Variants in SYNJ2 observed in about 807,000 individuals in gnomAD.
The protein encoded by SYNJ2 is polyphosphatidylinositol phosphatase SYNJ2.
In SYNJ2, 116 loss-of-function variants were observed where a neutral mutation model predicts 141.3. That is an observed-to-expected ratio of 0.82 (90% CI 0.71 to 0.96). The LOEUF (loss-of-function observed/expected upper bound fraction) is 0.96, where lower values mean the gene tolerates loss of function less well. Among genes scored for constraint, SYNJ2 ranks in the 40% least tolerant of loss-of-function variants. SYNJ2 has a pLI of 0.00. For missense variants in SYNJ2, 1,873 were observed against 1,934.8 expected, an observed-to-expected ratio of 0.97 and a Z score of 0.60; for synonymous variants, 745 against 777.7, an observed-to-expected ratio of 0.96 and a Z score of 0.70.
chr6:157,983,693 A>G (rs1447942550), intron 1 of SYNJ2, among the ~76,000 whole-genome samples: 1 of 152,240 alleles, frequency 6.6e-6, no homozygotes, highest in African/African-American at 2.4e-5. Context: ...TGAGATTTAC[A>G]TCACGGTGGT....
chr6:158,058,585 G>A (rs1045630329), intron 6 of SYNJ2, among the ~76,000 whole-genome samples: 2 of 152,188 alleles, frequency 1.3e-5, no homozygotes, highest in Non-Finnish European at 2.9e-5. Flanking sequence ...AGAAGGGTGG[G>A]TACCAAGCAA....
At chr6:158,045,835 C>T (rs1007289326) in intron 5 of SYNJ2, among the ~76,000 whole-genome samples, 5 of 152,194 alleles carry the variant, frequency 3.3e-5, no homozygotes, top group African/African-American at 9.6e-5. Context: ...TGTCAGGGGC[C>T]AGGAGCAGTG....
At chr6:158,037,680 T>C (rs2128340963) in intron 4 of SYNJ2, among the ~76,000 whole-genome samples, 1 of 152,222 alleles carries the variant, frequency 6.6e-6, no homozygotes, top group South Asian at 2.1e-4. Flanking sequence ...AGATTACAGG[T>C]GTGAGCCACT....
intron 18 of SYNJ2, chr6:158,078,571 A>G (rs1433507943): frequency 4.2e-6 from 1 of 239,184 alleles, no homozygotes; most frequent in Admixed American, 5.1e-5. Flanking sequence ...TATTTTCTTA[A>G]ATGATGTCGT....
At chr6:158,016,209 G>C (rs1734161112) in intron 1 of SYNJ2, among the ~76,000 whole-genome samples, 1 of 152,298 alleles carries the variant, frequency 6.6e-6, no homozygotes, top group African/African-American at 2.4e-5. Flanking sequence ...CACCTCCTGG[G>C]TTCAAGCCAT....
chr6:158,069,695 A>T, intron 14 of SYNJ2, 22 bp downstream of exon 14: 1 of 1,582,294 alleles, frequency 6.3e-7, no homozygotes, highest in Non-Finnish European at 8.6e-7. Flanking sequence ...CTGTTTACAC[A>T]CATCTGGGGA....
chr6:158,062,350 T>TC, intron 8 of SYNJ2, 186 bp downstream of exon 8: 2 of 662,976 alleles, frequency 3.0e-6, no homozygotes, highest in Non-Finnish European at 3.7e-6. Flanking sequence ...GTTTCCTGGG[T>TC]CATAAGCTTG....
At chr6:158,086,793 C>T (rs1583504611) in intron 22 of SYNJ2, 62 bp from the exon 23 acceptor site, 16 of 1,579,630 alleles carry the variant, frequency 1.0e-5, no homozygotes, top group Admixed American at 3.4e-5. Flanking sequence ...TGCTCAGATC[C>T]GTGTCTGACA....
intron 3 of SYNJ2, chr6:158,029,538 C>A (rs1343391420): frequency 1.3e-5 from 2 of 152,584 alleles, no homozygotes. Context: ...ACACTCCACC[C>A]TGGGTGACAG....
At chr6:157,991,407 C>G (rs1349975513) in intron 1 of SYNJ2, among the ~76,000 whole-genome samples, 1 of 152,202 alleles carries the variant, frequency 6.6e-6, no homozygotes, top group Non-Finnish European at 1.5e-5. Flanking sequence ...TAACAAGCTC[C>G]CAGGTGATGC....
chr6:158,008,661 G>T (rs1778157079), intron 1 of SYNJ2, among the ~76,000 whole-genome samples: 1 of 152,192 alleles, frequency 6.6e-6, no homozygotes, highest in Non-Finnish European at 1.5e-5. Flanking sequence ...CTTTTCTTTG[G>T]AAAGTTCCGC....
chr6:158,052,748 C>T (rs73017910), intron 5 of SYNJ2, among the ~76,000 whole-genome samples: 18,459 of 152,198 alleles, frequency 0.12, 1,290 homozygotes, highest in African/African-American at 0.18. Flanking sequence ...CACGTTTTAA[C>T]GTGAGATTTG....
chr6:158,096,457 A>C lies in SYNJ2; in HGVS notation c.*93A>C. On this transcript the variant is annotated 3_prime_UTR_variant, in exon 27 of 27. Transcript: ENST00000355585. ...AGAAGAGACATCTATTTAAAGGCAC[A>C]CTGGCCAAAACGTTTGTGCATCTGT... 3 of 1,407,944 alleles carry C rather than the reference A, an allele frequency of 2.1e-6. No individual in the cohort carries two copies. Among genetic ancestry groups the C allele is most frequent in the Non-Finnish European group, 2.8e-6 (3 of 1,057,526 alleles). 87.2% of individuals were successfully genotyped at this position (1,407,944 alleles called of 1,614,324 possible).
chr6:157,988,925 C>T (rs1021545965), intron 1 of SYNJ2, among the ~76,000 whole-genome samples: 1 of 152,126 alleles, frequency 6.6e-6, no homozygotes, highest in Non-Finnish European at 1.5e-5. Context: ...AAAGTCCATA[C>T]GAAACAGCCC....
rs1367056356 is a variant in SYNJ2 at position 158,062,072 on chromosome 6, G to C, written c.1035G>C (p.Lys345Asn). 1 of 1,614,074 alleles carries C rather than the reference G, an allele frequency of 6.2e-7. No homozygotes were observed. The highest frequency in any genetic ancestry group is 1.3e-5 in the African/African-American group (1 of 74,944). Residue 345 changes from lysine (K) to asparagine (N), a missense_variant, in exon 8 of 27, where the codon AAG (lysine) becomes AAC (asparagine). By Grantham distance (94) the Lys-to-Asn change is moderately conservative. Coordinates refer to ENST00000355585, the MANE Select transcript of SYNJ2 (RefSeq NM_003898.4). Reference protein sequence around the residue: ...FDFHQFAKGGKLEKLETLLRP... With the variant: ...FDFHQFAKGGNLEKLETLLRP... ...TCCATCAGTTTGCCAAAGGTGGGAA[G>C]CTAGAGAAATTGGAGACCCTCTTGA...
chr6:158,019,241 G>T (rs1260382719), intron 2 of SYNJ2, among the ~76,000 whole-genome samples: 3 of 152,224 alleles, frequency 2.0e-5, no homozygotes, highest in African/African-American at 7.2e-5. Flanking sequence ...ACAGTAACCG[G>T]CTCAAGGTCA....
In SYNJ2 at chr6:158,098,682, G is replaced by A. The variant is rs1224979600; in HGVS notation, c.*2318G>A. ...GCCATCTTGGGGGATTTCATTCTGT[G>A]GTTTTTTAAATGTTTCGTCTTTGAT... On this transcript the variant is annotated 3_prime_UTR_variant, in exon 27 of 27. Transcript: ENST00000355585. 1 of 152,110 alleles carries A rather than the reference G, an allele frequency of 6.6e-6. No individual in the cohort carries two copies. Among genetic ancestry groups the A allele is most frequent in the Admixed American group, 6.5e-5 (1 of 15,282 alleles). 9.4% of individuals were successfully genotyped at this position (152,110 alleles called of 1,614,324 possible).
At chr6:158,093,910 A>G (rs374995194) in intron 26 of SYNJ2, 7 of 765,018 alleles carry the variant, frequency 9.2e-6, no homozygotes, top group Non-Finnish European at 1.4e-5. Context: ...TCTCGCTCTC[A>G]AGCTTCTCAG....
intron 7 of SYNJ2, among the ~76,000 whole-genome samples, chr6:158,061,549 C>T (rs961518650): frequency 1.2e-4 from 19 of 152,272 alleles, no homozygotes; most frequent in Non-Finnish European, 1.8e-4. Flanking sequence ...GGCTGGTGCG[C>T]GGCAGGATGG....
Sources: allele counts gnomAD v4.1 joint callset (sites outside exome capture counted in the v4.1 genomes callset), GRCh38; gene constraint gnomAD v4.1.1; transcripts MANE v1.5; gene names NCBI Gene and HGNC (gene_info 2026-07-23, HGNC 2026-07-21).